SEL1L3: variants seen among roughly 807,000 people sequenced by gnomAD.
The protein encoded by SEL1L3 is protein sel-1 homolog 3.
A neutral mutation model predicts 142.8 loss-of-function variants in SEL1L3; 76 were observed. That is an observed-to-expected ratio of 0.53 (90% CI 0.44 to 0.64). The LOEUF is 0.64. Ranked by LOEUF, SEL1L3 falls within the 30% of genes least tolerant of loss-of-function variation. The pLI is 0.00. For missense variants in SEL1L3, 1,262 were observed against 1,381.7 expected (o/e 0.91, Z 1.37); for synonymous variants, 504 against 519.6 (o/e 0.97, Z 0.41).
intron 9 of SEL1L3, among the ~76,000 whole-genome samples, chr4:25,805,511 AAGTCAATC>A (rs538642416): frequency 1.2e-3 from 190 of 152,334 alleles, no homozygotes; most frequent in Middle Eastern, 3.4e-3. Context: ...CCTCAATGAA[AAGTCAATC>A]AGTTGCCTTA....
the SEL1L3 span, among the ~76,000 whole-genome samples, chr4:25,741,402 T>C: frequency 6.6e-6 from 1 of 152,068 alleles, no homozygotes; most frequent in East Asian, 1.9e-4. Flanking sequence ...AGGCTGGCCA[T>C]ATTACCTGTA....
chr4:25,792,963 A>G (rs1044686934), intron 11 of SEL1L3, among the ~76,000 whole-genome samples: 1 of 152,216 alleles, frequency 6.6e-6, no homozygotes, highest in African/African-American at 2.4e-5. Context: ...TGATATTCTT[A>G]GGTCTTTCTG....
Position 25,847,854 on chromosome 4 carries a change from G to T in SEL1L3, c.173C>A (p.Pro58Gln). The change falls in exon 2 of 24, where the codon CCA becomes CAA. Residue 58 changes from proline (P) to glutamine (Q), a missense_variant. Around this residue, in one of 3 missense-constraint regions of SEL1L3, gnomAD observed 689 missense variants for 692.8 expected, o/e 0.99. Coordinates refer to ENST00000399878, the MANE Select transcript of SEL1L3 (RefSeq NM_015187.5). ...CAGGGAAGTCTGCCTACCCAAAGAT[G>T]GTACAACATTCTGAAAAAAAGAAAA... The part of the protein sequence containing the change: ...LLLLCYLNVV[P>Q]SLGRQTSLTT... 1 of 1,537,400 alleles carries T rather than the reference G, an allele frequency of 6.5e-7. No homozygotes were observed. Among genetic ancestry groups the T allele is most frequent in the Non-Finnish European group, 8.7e-7 (1 of 1,145,224 alleles).
chr4:25,732,457 C>A, the SEL1L3 span, among the ~76,000 whole-genome samples: 1 of 152,192 alleles, frequency 6.6e-6, no homozygotes, highest in African/African-American at 2.4e-5. Flanking sequence ...TTTTACATTT[C>A]CACCAACAGT....
At chr4:25,824,721 A>G (rs77512793) in intron 6 of SEL1L3, among the ~76,000 whole-genome samples, 1,981 of 152,320 alleles carry the variant, frequency 0.013, 35 homozygotes, top group African/African-American at 0.045. Context: ...TTGAGCCCAA[A>G]CAGTTAATAT....
At chr4:25,771,782 G>A (rs1024986646) in intron 17 of SEL1L3, among the ~76,000 whole-genome samples, 2 of 152,156 alleles carry the variant, frequency 1.3e-5, no homozygotes, top group Non-Finnish European at 2.9e-5. Context: ...ACACATGTAG[G>A]GGTAAGGCAG....
chr4:25,816,152 T>A (rs1016617574), intron 9 of SEL1L3, among the ~76,000 whole-genome samples: 4 of 147,612 alleles, frequency 2.7e-5, no homozygotes, highest in African/African-American at 4.9e-5. Context: ...ATACATATAT[T>A]ATATATGTAT....
At chr4:25,797,158 G>A (rs568089740) in intron 11 of SEL1L3, among the ~76,000 whole-genome samples, 2 of 150,600 alleles carry the variant, frequency 1.3e-5, no homozygotes, top group Admixed American at 1.3e-4. Flanking sequence ...GAGGGTGAGA[G>A]AGGGAGAGAG....
At chr4:25,801,325 C>T (rs1368577622) in intron 11 of SEL1L3, among the ~76,000 whole-genome samples, 1 of 152,212 alleles carries the variant, frequency 6.6e-6, no homozygotes, top group African/African-American at 2.4e-5. Context: ...ATCGCTTGAA[C>T]CCAGGAGATG....
At chr4:25,856,604 A>C (rs867487704) in intron 1 of SEL1L3, among the ~76,000 whole-genome samples, 4,188 of 151,806 alleles carry the variant, frequency 0.028, 182 homozygotes, top group African/African-American at 0.095. Flanking sequence ...AAAAAAAAAA[A>C]AAAAAAAAAC....
At chr4:25,820,002 G>A in intron 7 of SEL1L3, 62 bp from the exon 8 acceptor site, 2 of 1,523,210 alleles carry the variant, frequency 1.3e-6, no homozygotes, top group South Asian at 1.2e-5. Flanking sequence ...TCCACCTCTA[G>A]GAGGATGTGT....
intron 19 of SEL1L3, among the ~76,000 whole-genome samples, chr4:25,766,024 T>A (rs947339827): frequency 2.6e-5 from 4 of 152,170 alleles, no homozygotes; most frequent in Non-Finnish European, 5.9e-5. Context: ...CAGCCAAGGT[T>A]GTTTTGGGTG....
chr4:25,746,679 A>G (rs1717281075), downstream of SEL1L3, among the ~76,000 whole-genome samples: 1 of 151,448 alleles, frequency 6.6e-6, no homozygotes, highest in Admixed American at 6.6e-5. Context: ...TGCTCTAGCC[A>G]CGTAAGACAT....
intron 15 of SEL1L3, among the ~76,000 whole-genome samples, chr4:25,779,682 C>T (rs966173594): frequency 6.6e-6 from 1 of 152,260 alleles, no homozygotes; most frequent in East Asian, 1.9e-4. Flanking sequence ...CACACATTTG[C>T]TATGCATAAA....
chr4:25,804,998 T>C (rs542024196), intron 9 of SEL1L3, among the ~76,000 whole-genome samples: 3 of 152,320 alleles, frequency 2.0e-5, no homozygotes, highest in Admixed American at 6.5e-5. Context: ...TGATGTGCTG[T>C]ATGTAGCTTA....
chr4:25,764,729 G>A (rs746766809), intron 20 of SEL1L3, among the ~76,000 whole-genome samples: 2 of 152,126 alleles, frequency 1.3e-5, no homozygotes, highest in Admixed American at 6.5e-5. Context: ...CTTACCATTT[G>A]ATTATTTGGT....
intron 3 of SEL1L3, among the ~76,000 whole-genome samples, chr4:25,834,499 C>A (rs1416690270): frequency 6.6e-6 from 1 of 152,224 alleles, no homozygotes; most frequent in Non-Finnish European, 1.5e-5. Flanking sequence ...TGCAGATACA[C>A]ACAAGTCCTT....
chr4:25,859,656 C>T (rs1461415481), intron 1 of SEL1L3, among the ~76,000 whole-genome samples: 1 of 152,182 alleles, frequency 6.6e-6, no homozygotes, highest in Non-Finnish European at 1.5e-5. Flanking sequence ...AAATCATAGG[C>T]AATTTGGCTT....
intron 11 of SEL1L3, among the ~76,000 whole-genome samples, chr4:25,797,130 A>G: frequency 6.8e-6 from 1 of 147,724 alleles, no homozygotes; most frequent in Non-Finnish European, 1.5e-5. Context: ...AAGGAGGGAG[A>G]GAGGAAGGGG....
Sources: allele counts gnomAD v4.1 joint callset (sites outside exome capture counted in the v4.1 genomes callset), GRCh38; gene constraint gnomAD v4.1.1; regional missense constraint gnomAD v4.1.1; transcripts MANE v1.5; gene names NCBI Gene and HGNC (gene_info 2026-07-23, HGNC 2026-07-21).